The following SPIRE1 variants were observed in gnomAD, a reference collection of about 807,000 sequenced individuals.
SPIRE1 encodes protein spire homolog 1.
In SPIRE1, 40 loss-of-function variants were observed where a neutral mutation model predicts 94.1. The observed-to-expected ratio is 0.43, with a 90% CI of 0.33 to 0.55. The LOEUF (loss-of-function observed/expected upper bound fraction) is 0.55. SPIRE1 is among the 20% of genes least tolerant of loss of function. The probability of loss-of-function intolerance (pLI) is 0.06; values close to 1 mark genes in which losing one functional copy is unlikely to be tolerated. For missense variants in SPIRE1, 838 were observed against 975.2 expected, an observed-to-expected ratio of 0.86 and a Z score of 1.87; for synonymous variants, 376 against 371.7, an observed-to-expected ratio of 1.01 and a Z score of -0.13.
chr18:12,603,700 G>C (rs1205607550), intron 2 of SPIRE1, among the ~76,000 whole-genome samples: 1 of 151,526 alleles, frequency 6.6e-6, no homozygotes, highest in South Asian at 2.1e-4. Flanking sequence ...TCAGCCTCCC[G>C]AGTAGCTGGG....
At chr18:12,644,773 T>A (rs1339995511) in intron 1 of SPIRE1, among the ~76,000 whole-genome samples, 1 of 152,238 alleles carries the variant, frequency 6.6e-6, no homozygotes, top group African/African-American at 2.4e-5. Context: ...CAATCTTGAC[T>A]CAAATAATTT....
At chr18:12,475,149 C>A (rs770429219) in intron 10 of SPIRE1, among the ~76,000 whole-genome samples, 2 of 152,128 alleles carry the variant, frequency 1.3e-5, no homozygotes, top group Non-Finnish European at 2.9e-5. Context: ...CATGCTGTGG[C>A]ACAGCCCGGC....
intron 10 of SPIRE1, among the ~76,000 whole-genome samples, chr18:12,469,709 AATATATTTATATAAATATAATT>A (rs893611584): frequency 2.1e-5 from 3 of 143,680 alleles, no homozygotes; most frequent in Admixed American, 1.5e-4. Context: ...AATTTATATA[AATATATTTATATAAATATAATT>A]ATATATTATA....
chr18:12,645,407 C>G (rs61710391), intron 1 of SPIRE1, among the ~76,000 whole-genome samples: 1,918 of 152,262 alleles, frequency 0.013, 42 homozygotes, highest in African/African-American at 0.044. Context: ...GCCCCTCCTG[C>G]CTACCCTGTC....
At chr18:12,646,890 C>A (rs980867501) in intron 1 of SPIRE1, among the ~76,000 whole-genome samples, 5 of 151,876 alleles carry the variant, frequency 3.3e-5, no homozygotes, top group African/African-American at 1.2e-4. Context: ...GCTAAAAATA[C>A]AAAATTAGCC....
At chr18:12,584,367 T>C (rs1283294118) in intron 2 of SPIRE1, among the ~76,000 whole-genome samples, 5 of 151,628 alleles carry the variant, frequency 3.3e-5, no homozygotes, top group South Asian at 2.1e-4. Flanking sequence ...GAGGCAGAGG[T>C]TGCAGTGAGC....
At chr18:12,615,265 T>G (rs1305181274) in intron 2 of SPIRE1, among the ~76,000 whole-genome samples, 1 of 135,014 alleles carries the variant, frequency 7.4e-6, no homozygotes, top group African/African-American at 2.8e-5. Context: ...GAGGCAGAGG[T>G]TGCAGTGAGC....
chr18:12,592,967 G>T (rs1389808266), intron 2 of SPIRE1, among the ~76,000 whole-genome samples: 2 of 152,200 alleles, frequency 1.3e-5, no homozygotes, highest in Non-Finnish European at 2.9e-5. Flanking sequence ...CAGTGGCTGG[G>T]ACTACAGGCG....
In SPIRE1 at chr18:12,657,637, TGGCGGCGGCG is replaced by T. The variant is rs951365414; in HGVS notation, c.220_229del (p.Arg74SerfsTer65). 1.5e-5 allele frequency: 20 copies of T among 1,316,088 alleles called. No individual in the cohort carries two copies. Among genetic ancestry groups the T allele is most frequent in the Admixed American group, 6.6e-5 (2 of 30,210 alleles). The allele number at this position is 1,316,088 out of a possible 1,614,324, so 81.5% of individuals were successfully genotyped here. On this transcript the variant is annotated frameshift_variant, in exon 1 of 17. Transcript: ENST00000409402. LOFTEE classifies it high-confidence loss of function. ...GGCCGAGCGCACACGGTGGCGGGGC[TGGCGGCGGCG>T]GGCGGCGGCGCGCAGGGAACCGCAG...
chr18:12,477,301 T>A (rs556195263), intron 10 of SPIRE1, among the ~76,000 whole-genome samples: 2 of 152,266 alleles, frequency 1.3e-5, no homozygotes, highest in South Asian at 4.2e-4. Flanking sequence ...TGTGTAGCCG[T>A]GGTCACAGAG....
intron 6 of SPIRE1, among the ~76,000 whole-genome samples, chr18:12,500,097 T>C (rs1382514988): frequency 6.6e-6 from 1 of 152,006 alleles, no homozygotes; most frequent in Non-Finnish European, 1.5e-5. Context: ...GACGCAAAGA[T>C]GGAAATAGTA....
rs1013050887 is a variant in SPIRE1, at chr18:12,556,787, C to T, written c.373-9883G>A. On this transcript the variant is annotated intron_variant, in intron 2 of 16. Coordinates refer to ENST00000409402, the MANE Select transcript of SPIRE1 (RefSeq NM_001128626.2). ...TACAGCTCATAAAGGTGGTGAGGAC[C>T]CAAAGAGTGAGCAGCAGCAAGATTT... is the stretch of plus-strand genomic sequence containing the variant. Among the ~76,000 whole-genome samples the T allele has an allele frequency of 2.6e-5, 4 of 152,058 alleles. No homozygotes were observed. In the South Asian group the frequency reaches 8.3e-4, roughly 32 times the overall value.
rs537622237 is a variant in SPIRE1, at chr18:12,643,384, C to G, written c.338-8288G>C. ...CCCAAGCCAAATCATAAACAGAGTT[C>G]TAGCAGGTGACAATCCCAAATGTTC... On this transcript the variant is annotated intron_variant, in intron 1 of 16. Coordinates refer to ENST00000409402, the MANE Select transcript of SPIRE1 (RefSeq NM_001128626.2). Among the ~76,000 whole-genome samples the G allele has an allele frequency of 3.3e-3, 501 of 152,334 alleles. 3 individuals carry two copies. Among genetic ancestry groups the G allele is most frequent in the African/African-American group, 0.012 (479 of 41,584 alleles).
intron 10 of SPIRE1, among the ~76,000 whole-genome samples, chr18:12,476,680 T>G (rs1436071971): frequency 6.8e-6 from 1 of 148,004 alleles, no homozygotes; most frequent in East Asian, 2.0e-4. Flanking sequence ...ATTTCAAAAC[T>G]TCTAAATATA....
intron 2 of SPIRE1, among the ~76,000 whole-genome samples, chr18:12,613,014 A>G (rs1354595570): frequency 1.3e-5 from 2 of 152,160 alleles, no homozygotes; most frequent in African/African-American, 4.8e-5. Context: ...AATGTACTAT[A>G]GTTCACTTAT....
At chr18:12,575,615 C>G (rs2036075017) in intron 2 of SPIRE1, among the ~76,000 whole-genome samples, 1 of 152,198 alleles carries the variant, frequency 6.6e-6, no homozygotes, top group African/African-American at 2.4e-5. Context: ...ACTACTGAGC[C>G]TGGCCTTTCC....
At chr18:12,643,729 T>A (rs1356814783) in intron 1 of SPIRE1, among the ~76,000 whole-genome samples, 1 of 152,212 alleles carries the variant, frequency 6.6e-6, no homozygotes, top group African/African-American at 2.4e-5. Context: ...TTTTAGCTAT[T>A]TAACCTTTAC....
chr18:12,571,093 G>T (rs930834338), intron 2 of SPIRE1, among the ~76,000 whole-genome samples: 4 of 151,728 alleles, frequency 2.6e-5, no homozygotes, highest in African/African-American at 9.7e-5. Flanking sequence ...TTATTTTTTT[G>T]AGATGGAGCC....
intron 4 of SPIRE1, among the ~76,000 whole-genome samples, chr18:12,524,743 G>A (rs2034455282): frequency 6.6e-6 from 1 of 152,076 alleles, no homozygotes; most frequent in Non-Finnish European, 1.5e-5. Context: ...GGAAGGTAAG[G>A]TGGCAGGATC....
Sources: allele counts gnomAD v4.1 joint callset (sites outside exome capture counted in the v4.1 genomes callset), GRCh38; gene constraint gnomAD v4.1.1; transcripts MANE v1.5; gene names NCBI Gene and HGNC (gene_info 2026-07-23, HGNC 2026-07-21).